The following FRMD5 variants were observed in gnomAD, a reference collection of about 807,000 sequenced individuals.
The protein encoded by FRMD5 is FERM domain containing 5.
FRMD5 carries 20 observed loss-of-function variants against 69.0 expected under a neutral mutation model. That is an observed-to-expected ratio of 0.29 (90% CI 0.20 to 0.42). FRMD5 has a LOEUF of 0.42. FRMD5 is among the 10% of genes least tolerant of loss of function. The pLI is 1.00. For missense variants in FRMD5, 595 were observed against 708.6 expected (o/e 0.84, Z 1.82); for synonymous variants, 271 against 260.1 (o/e 1.04, Z -0.40).
At chr15:43,939,946 G>A (rs2089833622) in intron 1 of FRMD5, among the ~76,000 whole-genome samples, 1 of 152,166 alleles carries the variant, frequency 6.6e-6, no homozygotes, top group African/African-American at 2.4e-5. Flanking sequence ...GGGAGGCAAG[G>A]CAGGCGGATC....
At chr15:44,160,465 C>A (rs888859222) in intron 1 of FRMD5, among the ~76,000 whole-genome samples, 1 of 152,170 alleles carries the variant, frequency 6.6e-6, no homozygotes, top group Non-Finnish European at 1.5e-5. Flanking sequence ...GCAAATGGAA[C>A]CTCTTGTATG....
intron 1 of FRMD5, among the ~76,000 whole-genome samples, chr15:44,113,253 T>A (rs1488255596): frequency 6.6e-6 from 1 of 152,222 alleles, no homozygotes; most frequent in Non-Finnish European, 1.5e-5. Context: ...ATCTGCATTG[T>A]AGGGTTTTGC....
At chr15:43,989,445 A>G (rs560907723) in intron 1 of FRMD5, 24 of 795,020 alleles carry the variant, frequency 3.0e-5, no homozygotes, top group Non-Finnish European at 5.5e-5. Context: ...GATGATGATG[A>G]CCTGGCCGTC....
chr15:43,964,940 A>G (rs528220959), intron 1 of FRMD5, among the ~76,000 whole-genome samples: 1 of 152,232 alleles, frequency 6.6e-6, no homozygotes, highest in South Asian at 2.1e-4. Flanking sequence ...AGAACTAAGT[A>G]TAATTAGGGT....
intron 1 of FRMD5, among the ~76,000 whole-genome samples, chr15:44,171,254 T>A (rs2706480): frequency 0.037 from 5,618 of 152,326 alleles, 226 homozygotes; most frequent in Non-Finnish European, 0.048. Flanking sequence ...ATGTATATAT[T>A]GCTTAAAAAT....
chr15:44,073,287 C>A (rs1482324172), intron 1 of FRMD5, among the ~76,000 whole-genome samples: 1 of 152,146 alleles, frequency 6.6e-6, no homozygotes, highest in East Asian at 1.9e-4. Context: ...AGACACTCTG[C>A]ACACAAAAAC....
chr15:44,068,136 C>A (rs1893387458), intron 1 of FRMD5, among the ~76,000 whole-genome samples: 1 of 152,192 alleles, frequency 6.6e-6, no homozygotes, highest in South Asian at 2.1e-4. Context: ...TCACATATTG[C>A]TGGTGGTAAT....
chr15:44,179,933 G>A (rs974390251), intron 1 of FRMD5, among the ~76,000 whole-genome samples: 1 of 152,022 alleles, frequency 6.6e-6, no homozygotes, highest in Non-Finnish European at 1.5e-5. Context: ...CAGCCACTTC[G>A]GAAGCTGGAG....
chr15:44,113,649 A>G (rs2076829716), intron 1 of FRMD5, among the ~76,000 whole-genome samples: 1 of 152,034 alleles, frequency 6.6e-6, no homozygotes, highest in Non-Finnish European at 1.5e-5. Flanking sequence ...ACTAGGTCTT[A>G]TTCATTCTTT....
chr15:44,184,665 G>C (rs1328798993), intron 1 of FRMD5, among the ~76,000 whole-genome samples: 1 of 152,138 alleles, frequency 6.6e-6, no homozygotes, highest in Non-Finnish European at 1.5e-5. Context: ...GAGGCTAATA[G>C]TATAAATTAG....
intron 1 of FRMD5, among the ~76,000 whole-genome samples, chr15:44,181,612 T>G (rs934577434): frequency 6.6e-6 from 1 of 152,084 alleles, no homozygotes. Flanking sequence ...CCTTTTAAAG[T>G]CATCATAAGC....
intron 4 of FRMD5, among the ~76,000 whole-genome samples, chr15:43,915,305 G>C (rs1427812001): frequency 6.6e-6 from 1 of 152,176 alleles, no homozygotes; most frequent in Admixed American, 6.5e-5. Context: ...GAGACCATAT[G>C]GCCCGACAAG....
At chr15:43,907,926 C>G (rs946133642) in intron 5 of FRMD5, among the ~76,000 whole-genome samples, 2 of 152,126 alleles carry the variant, frequency 1.3e-5, no homozygotes, top group Non-Finnish European at 2.9e-5. Flanking sequence ...CAGTTGTGAG[C>G]CACTGTGCCT....
chr15:43,894,308 C>T (rs541129455), intron 7 of FRMD5, among the ~76,000 whole-genome samples: 1 of 151,760 alleles, frequency 6.6e-6, no homozygotes, highest in South Asian at 2.1e-4. Flanking sequence ...GCTCACTGTG[C>T]AAGCAGGACC....
chr15:44,131,856 T>C (rs117584031), intron 1 of FRMD5, among the ~76,000 whole-genome samples: 3,776 of 81,498 alleles, frequency 0.046, 74 homozygotes, highest in Non-Finnish European at 0.076. Flanking sequence ...GGGACTGGTT[T>C]CATGGAAGTC....
intron 1 of FRMD5, among the ~76,000 whole-genome samples, chr15:43,969,241 C>A (rs1238548546): frequency 1.3e-5 from 2 of 151,962 alleles, no homozygotes; most frequent in Non-Finnish European, 2.9e-5. Flanking sequence ...ACCACCACAT[C>A]CATGTAATTT....
At chr15:44,192,460 A>C (rs2078212862) in intron 1 of FRMD5, among the ~76,000 whole-genome samples, 1 of 152,214 alleles carries the variant, frequency 6.6e-6, no homozygotes. Context: ...AATTATCACC[A>C]TAAAATATAC....
chr15:43,956,359 A>G (rs569127028), intron 1 of FRMD5, among the ~76,000 whole-genome samples: 1 of 152,296 alleles, frequency 6.6e-6, no homozygotes, highest in South Asian at 2.1e-4. Context: ...CAGCTCTCAT[A>G]CAAACAGCTC....
At chr15:44,049,074 T>C (rs538197959) in intron 1 of FRMD5, among the ~76,000 whole-genome samples, 36 of 152,332 alleles carry the variant, frequency 2.4e-4, no homozygotes, top group African/African-American at 7.0e-4. Flanking sequence ...ATGGCTGGCA[T>C]GTGCTACCAG....
Sources: gnomAD v4.1 joint callset for allele counts (sites outside exome capture counted in the v4.1 genomes callset) on GRCh38, gnomAD v4.1.1 for gene constraint, MANE v1.5 for transcripts, NCBI Gene and HGNC (gene_info 2026-07-23, HGNC 2026-07-21) for gene names.